PALM2AKAP2: variants seen among roughly 807,000 people sequenced by gnomAD.
PALM2AKAP2 encodes the protein PALM2-AKAP2 fusion protein.
Under a neutral mutation model 71.5 loss-of-function variants are expected in PALM2AKAP2, and 37 were observed. That is an observed-to-expected ratio of 0.52 (90% CI 0.40 to 0.68). The LOEUF is 0.68. Among genes scored for constraint, PALM2AKAP2 ranks in the 30% least tolerant of loss-of-function variants. PALM2AKAP2 has a pLI of 0.00. For synonymous variants in PALM2AKAP2, 468 were observed against 478.8 expected (o/e 0.98, Z 0.29); for missense variants, 1,224 against 1,191.8 (o/e 1.03, Z -0.40).
At chr9:110,132,858 C>T (rs1053082617) in intron 1 of PALM2AKAP2, among the ~76,000 whole-genome samples, 1 of 152,210 alleles carries the variant, frequency 6.6e-6, no homozygotes, top group African/African-American at 2.4e-5. Flanking sequence ...GATCCACCCA[C>T]CTTGGCCTCT....
chr9:110,126,304 C>T (rs1002712164), intron 1 of PALM2AKAP2, among the ~76,000 whole-genome samples: 3 of 152,184 alleles, frequency 2.0e-5, no homozygotes, highest in Non-Finnish European at 2.9e-5. Flanking sequence ...TTGATCTCTG[C>T]CATGACCTGC....
exon 4 of PALM2AKAP2, chr9:109,923,778 A>G: frequency 6.2e-7 from 1 of 1,606,196 alleles, no homozygotes; most frequent in Non-Finnish European, 8.5e-7. Flanking sequence ...AGAGTCCCAG[A>G]TATCTGCCAA....
rs373816975 is a variant in PALM2AKAP2 at position 109,850,943 on chromosome 9, C to T, written c.46-16548C>T. Among the ~76,000 whole-genome samples, 4 of 151,886 alleles carry T rather than the reference C, an allele frequency of 2.6e-5. 1 individual carries two copies. Among genetic ancestry groups the T allele is most frequent in the South Asian group, 2.1e-4 (1 of 4,806 alleles). ...CTGTAATCCCAGCACTTTAGGAGGC[C>T]GAGGCGGGCGGATCACGAGGTCAGG... On this transcript the variant is annotated intron_variant, in intron 1 of 9. Coordinates refer to the PALM2AKAP2 transcript ENST00000302798.
chr9:110,050,976 A>C (rs1833698979), intron 1 of PALM2AKAP2, among the ~76,000 whole-genome samples: 1 of 152,162 alleles, frequency 6.6e-6, no homozygotes, highest in African/African-American at 2.4e-5. Context: ...AGGCACACCA[A>C]GTTTCCTGCA....
At chr9:109,863,200 A>C (rs993238737) in intron 1 of PALM2AKAP2, among the ~76,000 whole-genome samples, 5 of 152,232 alleles carry the variant, frequency 3.3e-5, no homozygotes, top group African/African-American at 1.2e-4. Context: ...TAATGTGCTA[A>C]AGATGCTAAT....
intron 1 of PALM2AKAP2, among the ~76,000 whole-genome samples, chr9:109,724,894 C>A (rs907184937): frequency 1.3e-5 from 2 of 151,976 alleles, no homozygotes; most frequent in Non-Finnish European, 2.9e-5. Context: ...ATATTTAAGG[C>A]ATTGATCCTG....
chr9:109,754,967 C>G (rs1021840086), intron 1 of PALM2AKAP2, among the ~76,000 whole-genome samples: 5 of 152,092 alleles, frequency 3.3e-5, no homozygotes, highest in Non-Finnish European at 7.4e-5. Context: ...ATTGCTGCCT[C>G]TAGTTCCTCT....
intron 1 of PALM2AKAP2, among the ~76,000 whole-genome samples, chr9:109,836,315 G>A (rs1369735472): frequency 6.6e-6 from 1 of 152,196 alleles, no homozygotes; most frequent in South Asian, 2.1e-4. Context: ...TGCAGCTGAG[G>A]GTCCTGACTG....
rs533754033 is a variant in PALM2AKAP2, at chr9:109,748,007, T to G, written c.6-32481T>G. ...CATAATTTTAAAGATTACAAATGAC[T>G]CTATCAAAAGTTATTCTGTTGACAG... On this transcript the variant is annotated intron_variant, in intron 1 of 6. Coordinates refer to the PALM2AKAP2 transcript ENST00000374531. Among the ~76,000 whole-genome samples, 12 of 152,324 alleles carry G rather than the reference T, an allele frequency of 7.9e-5. No homozygotes were observed. The South Asian group carries it at 2.5e-3, about 32-fold the overall frequency.
chr9:110,158,984 CT>C (rs1158013999), intron 3 of PALM2AKAP2, among the ~76,000 whole-genome samples: 1 of 152,156 alleles, frequency 6.6e-6, no homozygotes, highest in Non-Finnish European at 1.5e-5. Context: ...TTTAGGGGAC[CT>C]TTTCTCCTGT....
At chr9:109,867,213 T>C in intron 1 of PALM2AKAP2, 1 of 425,546 alleles carries the variant, frequency 2.3e-6, no homozygotes, top group Non-Finnish European at 4.6e-6. Flanking sequence ...TGTCTGTGTG[T>C]GTGTGTAGAA....
At chr9:110,002,784 A>C (rs1228305123) in intron 6 of PALM2AKAP2, among the ~76,000 whole-genome samples, 2 of 152,156 alleles carry the variant, frequency 1.3e-5, no homozygotes, top group Non-Finnish European at 2.9e-5. Flanking sequence ...CGAGGAATTT[A>C]TCCATTTCTT....
intron 3 of PALM2AKAP2, among the ~76,000 whole-genome samples, chr9:109,902,215 A>G (rs1830345821): frequency 6.6e-6 from 1 of 152,222 alleles, no homozygotes; most frequent in East Asian, 1.9e-4. Flanking sequence ...AATGATATGT[A>G]TCTCATTTGG....
chr9:110,089,823 G>A (rs1451438722), intron 1 of PALM2AKAP2, among the ~76,000 whole-genome samples: 9 of 152,096 alleles, frequency 5.9e-5, no homozygotes, highest in African/African-American at 1.4e-4. Flanking sequence ...CTTCCTTATC[G>A]TGGAGAGCCA....
chr9:109,873,528 C>G (rs17202917), intron 2 of PALM2AKAP2, among the ~76,000 whole-genome samples: 1 of 151,858 alleles, frequency 6.6e-6, no homozygotes, highest in South Asian at 2.1e-4. Context: ...CCATCATCCA[C>G]TAGAATAGCC....
chr9:110,029,869 G>A (rs940224133), intron 7 of PALM2AKAP2, among the ~76,000 whole-genome samples: 2 of 152,172 alleles, frequency 1.3e-5, no homozygotes, highest in African/African-American at 2.4e-5. Flanking sequence ...TGGAATGATT[G>A]CAAATTATTT....
At chr9:109,658,977 T>G (rs1227778296) in intron 1 of PALM2AKAP2, among the ~76,000 whole-genome samples, 2 of 152,212 alleles carry the variant, frequency 1.3e-5, no homozygotes, top group African/African-American at 4.8e-5. Context: ...TTTAACTCCA[T>G]GTATCTCTAC....
At chr9:109,644,660 C>G (rs1351372563) in intron 1 of PALM2AKAP2, among the ~76,000 whole-genome samples, 4 of 152,162 alleles carry the variant, frequency 2.6e-5, no homozygotes. Context: ...AAACCGAATG[C>G]CTTTAACAGC....
chr9:109,756,021 C>G (rs1828958752), intron 1 of PALM2AKAP2, among the ~76,000 whole-genome samples: 3 of 152,104 alleles, frequency 2.0e-5, no homozygotes, highest in African/African-American at 7.2e-5. Flanking sequence ...AACCCTTGTT[C>G]CCATCTCTAG....
Sources: gnomAD v4.1 joint callset for allele counts (sites outside exome capture counted in the v4.1 genomes callset) on GRCh38, gnomAD v4.1.1 for gene constraint, MANE v1.5 for transcripts, NCBI Gene and HGNC (gene_info 2026-07-23, HGNC 2026-07-21) for gene names.